The following PRKCH variants were observed in gnomAD, a reference collection of about 807,000 sequenced individuals.
PRKCH encodes protein kinase C eta.
PRKCH carries 28 observed loss-of-function variants against 82.5 expected under a neutral mutation model. That is an observed-to-expected ratio of 0.34 (90% CI 0.25 to 0.47). PRKCH has a LOEUF of 0.47. PRKCH is among the 20% of genes least tolerant of loss of function. The pLI, the probability that PRKCH is intolerant of heterozygous loss-of-function variation, is 1.00. For missense variants in PRKCH, 705 were observed against 881.8 expected (o/e 0.80, Z 2.54); for synonymous variants, 322 against 327.4 (o/e 0.98, Z 0.18).
intron 6 of PRKCH, among the ~76,000 whole-genome samples, chr14:61,451,234 A>G (rs1242413678): frequency 6.6e-6 from 1 of 152,226 alleles, no homozygotes; most frequent in Non-Finnish European, 1.5e-5. Flanking sequence ...AATACAGCCT[A>G]GACACTGTAT....
intron 12 of PRKCH, among the ~76,000 whole-genome samples, chr14:61,533,496 A>T (rs1254345478): frequency 5.3e-5 from 8 of 152,234 alleles, no homozygotes; most frequent in African/African-American, 1.9e-4. Context: ...TTGAGGAGAC[A>T]CACTGAGGAG....
intron 1 of PRKCH, among the ~76,000 whole-genome samples, chr14:61,224,407 T>G (rs1441622065): frequency 2.6e-5 from 4 of 152,204 alleles, no homozygotes; most frequent in African/African-American, 9.7e-5. Flanking sequence ...TCACTAGTTT[T>G]TCCATGGATG....
chr14:61,309,017 C>A (rs2045502634), intron 1 of PRKCH, among the ~76,000 whole-genome samples: 1 of 149,964 alleles, frequency 6.7e-6, no homozygotes, highest in Admixed American at 6.6e-5. Context: ...GGCACCATGT[C>A]TCATGCCTAT....
chr14:61,392,844 GTTT>G (rs3085970), intron 2 of PRKCH, among the ~76,000 whole-genome samples: 44 of 136,030 alleles, frequency 3.2e-4, no homozygotes, highest in African/African-American at 1.1e-3. Context: ...TTCTTTTTTT[GTTT>G]TTTTTTTTTA....
intron 1 of PRKCH, among the ~76,000 whole-genome samples, chr14:61,193,674 C>T (rs1025922512): frequency 1.3e-5 from 2 of 152,126 alleles, no homozygotes; most frequent in Non-Finnish European, 2.9e-5. Context: ...TTGACCATGA[C>T]CACTGTCTCA....
chr14:61,272,731 A>G (rs1229877755), intron 1 of PRKCH, among the ~76,000 whole-genome samples: 1 of 152,210 alleles, frequency 6.6e-6, no homozygotes, highest in Non-Finnish European at 1.5e-5. Context: ...AGTATCTACA[A>G]AAACACTTGC....
At chr14:61,366,107 G>A (rs1199573834) in intron 1 of PRKCH, among the ~76,000 whole-genome samples, 1 of 152,090 alleles carries the variant, frequency 6.6e-6, no homozygotes, top group Non-Finnish European at 1.5e-5. Context: ...CAGAAGATGA[G>A]ACAGTGATTG....
chr14:61,424,482 G>C (rs1883008316), intron 2 of PRKCH, among the ~76,000 whole-genome samples: 1 of 152,214 alleles, frequency 6.6e-6, no homozygotes, highest in Non-Finnish European at 1.5e-5. Context: ...TTGGAGTAAA[G>C]GTGACTCTTG....
At chr14:61,497,464 A>G (rs969894038) in intron 10 of PRKCH, among the ~76,000 whole-genome samples, 7 of 152,200 alleles carry the variant, frequency 4.6e-5, no homozygotes, top group Admixed American at 3.9e-4. Context: ...AAAAGCATCA[A>G]ACACATGTTC....
At chr14:61,531,252 T>C (rs1017772723) in intron 12 of PRKCH, among the ~76,000 whole-genome samples, 2 of 152,178 alleles carry the variant, frequency 1.3e-5, no homozygotes, top group African/African-American at 4.8e-5. Flanking sequence ...ATAAAGTACA[T>C]GTAATTTGGG....
intron 1 of PRKCH, among the ~76,000 whole-genome samples, chr14:61,271,286 A>G (rs1421073259): frequency 6.6e-6 from 1 of 152,030 alleles, no homozygotes; most frequent in Non-Finnish European, 1.5e-5. Context: ...ATTTCTCTCT[A>G]TTCTGTTCCA....
chr14:61,415,920 A>T (rs930350005), intron 2 of PRKCH, among the ~76,000 whole-genome samples: 3 of 152,096 alleles, frequency 2.0e-5, no homozygotes, highest in African/African-American at 7.3e-5. Context: ...TACCTCCTAT[A>T]AGTGGAATCA....
chr14:61,249,220 C>T (rs1293403022), intron 1 of PRKCH, among the ~76,000 whole-genome samples: 1 of 152,106 alleles, frequency 6.6e-6, no homozygotes, highest in East Asian at 1.9e-4. Flanking sequence ...CCACCTATCC[C>T]CACTTAGGTC....
intron 9 of PRKCH, among the ~76,000 whole-genome samples, chr14:61,475,610 A>G (rs974378206): frequency 3.9e-5 from 6 of 152,268 alleles, no homozygotes; most frequent in African/African-American, 1.4e-4. Context: ...ATTAGAAGTC[A>G]AGCTAATTGT....
At chr14:61,495,589 C>T (rs1209917164) in intron 10 of PRKCH, among the ~76,000 whole-genome samples, 2 of 152,174 alleles carry the variant, frequency 1.3e-5, no homozygotes, top group African/African-American at 2.4e-5. Context: ...CAATGCAAAC[C>T]TTTGTCAGGC....
chr14:61,444,530 C>T (rs914806633), intron 3 of PRKCH, among the ~76,000 whole-genome samples: 6 of 150,528 alleles, frequency 4.0e-5, no homozygotes, highest in African/African-American at 1.5e-4. Flanking sequence ...TTGATCATTT[C>T]ACTGACTTTT....
chr14:61,446,580 T>C (rs529672652), intron 4 of PRKCH, among the ~76,000 whole-genome samples: 1 of 152,382 alleles, frequency 6.6e-6, no homozygotes, highest in East Asian at 1.9e-4. Context: ...GAATAAGACA[T>C]ACTCTTGGAT....
intron 1 of PRKCH, among the ~76,000 whole-genome samples, chr14:61,292,284 A>G (rs2045369862): frequency 6.6e-6 from 1 of 151,200 alleles, no homozygotes; most frequent in Non-Finnish European, 1.5e-5. Flanking sequence ...CAGGAGTTCA[A>G]GACCAGCCTA....
chr14:61,324,736 G>C (rs2140120150), intron 1 of PRKCH, among the ~76,000 whole-genome samples: 1 of 152,286 alleles, frequency 6.6e-6, no homozygotes, highest in African/African-American at 2.4e-5. Flanking sequence ...TGGGATTACA[G>C]GTGTGAGCCA....
Sources: allele counts gnomAD v4.1 joint callset (sites outside exome capture counted in the v4.1 genomes callset), GRCh38; gene constraint gnomAD v4.1.1; transcripts MANE v1.5; gene names NCBI Gene and HGNC (gene_info 2026-07-23, HGNC 2026-07-21).